DAB2IP: variants seen among roughly 807,000 people sequenced by gnomAD.
The protein encoded by DAB2IP is disabled homolog 2-interacting protein.
In DAB2IP, 28 loss-of-function variants were observed where a neutral mutation model predicts 107.2. The ratio of observed to expected loss-of-function variants is 0.26; its 90% CI spans 0.19 to 0.36. The LOEUF (loss-of-function observed/expected upper bound fraction) is 0.36. Ranked by LOEUF, DAB2IP falls within the 10% of genes least tolerant of loss-of-function variation. The pLI is 1.00. For missense variants in DAB2IP, 1,400 were observed against 1,644.7 expected (o/e 0.85, Z 2.57); for synonymous variants, 755 against 706.4 (o/e 1.07, Z -1.09).
chr9:121,717,377 G>A (rs376196236), intron 3 of DAB2IP, among the ~76,000 whole-genome samples: 4 of 152,334 alleles, frequency 2.6e-5, no homozygotes, highest in East Asian at 3.9e-4. Flanking sequence ...GCAGAAGCAC[G>A]TTTCTACACA....
chr9:121,642,006 TCTCTCTCTCTC>T (rs1832342186), intron 1 of DAB2IP, among the ~76,000 whole-genome samples: 1 of 21,638 alleles, frequency 4.6e-5, no homozygotes, highest in Non-Finnish European at 7.4e-5. Flanking sequence ...TCTCTCTCTC[TCTCTCTCTCTC>T]TCTCTCTCTC....
At chr9:121,639,407 C>G (rs1263385039) in intron 1 of DAB2IP, among the ~76,000 whole-genome samples, 3 of 152,210 alleles carry the variant, frequency 2.0e-5, no homozygotes, top group Admixed American at 2.0e-4. Flanking sequence ...CCGTGTCCCT[C>G]TCTGCCCTGT....
intron 1 of DAB2IP, among the ~76,000 whole-genome samples, chr9:121,636,668 G>GT (rs1832101321): frequency 6.6e-6 from 1 of 152,240 alleles, no homozygotes; most frequent in Admixed American, 6.5e-5. Flanking sequence ...GCATGGGGCT[G>GT]AGGAGGAGCC....
At chr9:121,621,437 C>T (rs2118995017) in intron 1 of DAB2IP, among the ~76,000 whole-genome samples, 1 of 152,220 alleles carries the variant, frequency 6.6e-6, no homozygotes, top group East Asian at 1.9e-4. Context: ...ACTGAACAAC[C>T]CACTCCATGG....
intron 3 of DAB2IP, among the ~76,000 whole-genome samples, chr9:121,724,420 A>C (rs1246242092): frequency 6.6e-6 from 1 of 152,074 alleles, no homozygotes; most frequent in East Asian, 1.9e-4. Context: ...GTGTGAATCC[A>C]ACCACCCGGT....
Position 121,763,732 on chromosome 9 carries a change from T to C in DAB2IP, c.1316-3T>C. 6.2e-7 allele frequency: 1 copy of C among 1,613,814 alleles called. No homozygotes were observed. The highest frequency in any genetic ancestry group is 8.5e-7 in the Non-Finnish European group (1 of 1,179,918). ...TCCCCACTCCCTGCCCACTTGTCCA[T>C]AGGTGAGTTCATCAAAGCGCTGTAT... is the stretch of plus-strand genomic sequence containing the variant. On this transcript the variant is annotated splice_polypyrimidine_tract_variant and splice_region_variant and intron_variant, in intron 7 of 15. Transcript: ENST00000408936.
chr9:121,777,300 C>T (rs1835274056), intron 14 of DAB2IP, among the ~76,000 whole-genome samples: 1 of 152,232 alleles, frequency 6.6e-6, no homozygotes, highest in Non-Finnish European at 1.5e-5. Flanking sequence ...AAGCCCTTCC[C>T]AGATTCCTCC....
chr9:121,663,415 T>A (rs543805543), intron 1 of DAB2IP, among the ~76,000 whole-genome samples: 107 of 152,090 alleles, frequency 7.0e-4, no homozygotes, highest in Non-Finnish European at 1.3e-3. Flanking sequence ...GCCAAACACG[T>A]CCCCTCTGAG....
Position 121,625,010 on chromosome 9 carries a change from G to A in DAB2IP, c.41-53668G>A, listed in dbSNP as rs142411853. On this transcript the variant is annotated intron_variant, in intron 1 of 16. Transcript: ENST00000259371. ...GCTAAGCACTCGCACTGCCTGCCCC[G>A]TCCAGGGCATGGATGAGGGGCTGAG... Among the ~76,000 whole-genome samples the A allele has an allele frequency of 8.4e-4, 128 of 152,326 alleles. 1 individual carries two copies. The highest frequency in any genetic ancestry group is 2.9e-3 in the South Asian group (14 of 4,824).
intron 3 of DAB2IP, among the ~76,000 whole-genome samples, chr9:121,754,130 G>T (rs1244808710): frequency 6.6e-6 from 1 of 152,168 alleles, no homozygotes; most frequent in East Asian, 1.9e-4. Flanking sequence ...TGGTCCTGCT[G>T]GGTTCAGGAA....
chr9:121,774,211 G>C (rs748595067), intron 12 of DAB2IP, 49 bp from the exon 13 acceptor site: 11 of 1,510,474 alleles, frequency 7.3e-6, no homozygotes, highest in Admixed American at 2.1e-5. Context: ...CGCCCCTCCT[G>C]CTTGCCCTCC....
chr9:121,595,298 G>T (rs1382454879), intron 1 of DAB2IP, among the ~76,000 whole-genome samples: 1 of 151,982 alleles, frequency 6.6e-6, no homozygotes, highest in Non-Finnish European at 1.5e-5. Flanking sequence ...TCCTGGTCAA[G>T]AAATAAAACC....
At chr9:121,742,442 T>A (rs1832420501) in intron 3 of DAB2IP, among the ~76,000 whole-genome samples, 1 of 152,102 alleles carries the variant, frequency 6.6e-6, no homozygotes, top group Admixed American at 6.5e-5. Context: ...AAAAAGAAGA[T>A]AGCCACACAG....
chr9:121,616,352 T>C (rs1278444161), intron 1 of DAB2IP, among the ~76,000 whole-genome samples: 1 of 152,198 alleles, frequency 6.6e-6, no homozygotes, highest in Non-Finnish European at 1.5e-5. Flanking sequence ...GTGGGAATTA[T>C]CTGCTGTCTT....
At chr9:121,712,890 C>T (rs1490717124) in intron 3 of DAB2IP, among the ~76,000 whole-genome samples, 1 of 152,206 alleles carries the variant, frequency 6.6e-6, no homozygotes, top group Non-Finnish European at 1.5e-5. Context: ...CAGCGTGTGT[C>T]TGAGCCCCTG....
chr9:121,634,773 G>A lies in DAB2IP; in HGVS notation c.41-43905G>A, dbSNP rs983077490. ...AAGGAAGCAGATGATAGCAATAGGA[G>A]AAGGCAGTGGACAGCCCCATTGGTC... On this transcript the variant is annotated intron_variant, in intron 1 of 16. Coordinates refer to the DAB2IP transcript ENST00000259371. The surrounding 1 kb of genome is among the most constrained non-coding windows in gnomAD (Gnocchi z 4.7). Among the ~76,000 whole-genome samples the A allele has an allele frequency of 6.6e-6, 1 of 152,116 alleles. No individual in the cohort carries two copies. The highest frequency in any genetic ancestry group is 1.5e-5 in the Non-Finnish European group (1 of 68,010).
At position 121,634,179 on chromosome 9, in the gene DAB2IP, A is replaced by C. The variant is rs1831994406; in HGVS notation, c.41-44499A>C. ...TGACTTGCATTGGTTTTCACATGCC[A>C]ACTCCTAGGAAGGGTCCCCTATGCA... On this transcript the variant is annotated intron_variant, in intron 1 of 16. Coordinates refer to the DAB2IP transcript ENST00000259371. This position sits in a 1 kb window ranked among gnomAD's most constrained non-coding sequence, Gnocchi z 4.7. 6.6e-6 allele frequency among the ~76,000 whole-genome samples: 1 copy of C among 152,106 alleles called. No homozygotes were observed. The highest frequency in any genetic ancestry group is 2.4e-5 in the African/African-American group (1 of 41,430).
intron 1 of DAB2IP, among the ~76,000 whole-genome samples, chr9:121,577,357 C>G (rs1285755759): frequency 6.6e-6 from 1 of 152,210 alleles, no homozygotes; most frequent in Non-Finnish European, 1.5e-5. Context: ...ATCGCCAGCA[C>G]CCCAGGCTCG....
Position 121,699,299 on chromosome 9 carries a change from T to C in DAB2IP, c.229-26T>C. ...CCGCCGCGCTAACCCCGCCTCCCCT[T>C]CCCCCTCTTGTCCCCCCGTGCGCAG... On this transcript the variant is annotated intron_variant, in intron 2 of 15. Coordinates refer to ENST00000408936, the Ensembl canonical transcript of DAB2IP. The surrounding 1 kb of genome is among the most constrained non-coding windows in gnomAD (Gnocchi z 6.2). 7.4e-7 allele frequency: 1 copy of C among 1,351,484 alleles called. No individual in the cohort carries two copies. Among genetic ancestry groups the C allele is most frequent in the Non-Finnish European group, 9.7e-7 (1 of 1,030,564 alleles). The allele number at this position is 1,351,484 out of a possible 1,614,324, so 83.7% of individuals were successfully genotyped here. A position where few individuals can be genotyped will look rare whatever the true frequency, so the allele number is the denominator to read the frequency against.
Sources: gnomAD v4.1 joint callset for allele counts (sites outside exome capture counted in the v4.1 genomes callset) on GRCh38, gnomAD v4.1.1 for gene constraint, Gnocchi (gnomAD v3.1) non-coding constraint, MANE v1.5 for transcripts, NCBI Gene and HGNC (gene_info 2026-07-23, HGNC 2026-07-21) for gene names.